HACD4: variants seen among roughly 807,000 people sequenced by gnomAD.
The protein encoded by HACD4 is 3-hydroxyacyl-CoA dehydratase 4.
HACD4 carries 35 observed loss-of-function variants against 33.3 expected under a neutral mutation model. The ratio of observed to expected loss-of-function variants is 1.05; its 90% confidence interval spans 0.80 to 1.39. The LOEUF is 1.39. Among genes scored for constraint, HACD4 ranks in the 40% most tolerant of loss-of-function variants. HACD4 has a pLI of 0.00. For missense variants in HACD4, 323 were observed against 276.5 expected (o/e 1.17, Z -1.19); for synonymous variants, 118 against 98.0 (o/e 1.20, Z -1.21).
intron 5 of HACD4, among the ~76,000 whole-genome samples, chr9:21,011,066 G>A (rs1238225631): frequency 6.6e-6 from 1 of 152,104 alleles, no homozygotes; most frequent in Non-Finnish European, 1.5e-5. Flanking sequence ...TAGTTTGGGG[G>A]CCCCTGCTAT....
chr9:21,031,624 A>C lies in HACD4; in HGVS notation c.-34T>G, dbSNP rs1406278207. 4 of 1,379,482 alleles carry C rather than the reference A, an allele frequency of 2.9e-6. No individual in the cohort carries two copies. Among genetic ancestry groups the C allele is most frequent in the Middle Eastern group, 2.0e-4 (1 of 4,976 alleles). 85.5% of individuals were successfully genotyped at this position (1,379,482 alleles called of 1,614,324 possible). A position where few individuals can be genotyped will look rare whatever the true frequency, so the allele number is the denominator to read the frequency against. ...GCCGCCAGGGCTTCCAGCGCGGTCC[A>C]GGAAGGAGTACCGGGGAGGAGGCAG... On this transcript the variant is annotated 5_prime_UTR_variant, in exon 1 of 7. Transcript: ENST00000495827.
chr9:21,016,084 C>T (rs970549031), intron 3 of HACD4, 74 bp from the exon 4 acceptor site: 15 of 941,618 alleles, frequency 1.6e-5, no homozygotes, highest in Admixed American at 6.0e-5. Flanking sequence ...ATTTTGAAAA[C>T]CAGATCTCCT....
At chr9:21,026,150 A>G (rs2132799920) in intron 3 of HACD4, among the ~76,000 whole-genome samples, 1 of 152,314 alleles carries the variant, frequency 6.6e-6, no homozygotes, top group East Asian at 1.9e-4. Flanking sequence ...TTTTTTAATC[A>G]TCTACTCTTT....
intron 2 of HACD4, among the ~76,000 whole-genome samples, chr9:21,027,923 T>G (rs1587841624): frequency 6.6e-6 from 1 of 151,848 alleles, no homozygotes; most frequent in East Asian, 1.9e-4. Context: ...TCACCTTTGG[T>G]CAGGAGTTCA....
Position 21,006,526 on chromosome 9 carries a change from A to G in HACD4, c.*511T>C, listed in dbSNP as rs1420644691. On this transcript the variant is annotated 3_prime_UTR_variant, in exon 7 of 7. Transcript: ENST00000495827. The surrounding 1 kb of genome is among the most constrained non-coding windows in gnomAD (Gnocchi z 4.6). Reference sequence around the variant, plus strand: ...TGGAAAGATATTTAATTTTCTAAACATATCTAATGTTTAGGGTGAGTATTA... The same window carrying G: ...TGGAAAGATATTTAATTTTCTAAACGTATCTAATGTTTAGGGTGAGTATTA... 1 of 166,190 alleles carries G rather than the reference A, an allele frequency of 6.0e-6. No homozygotes were observed. Among genetic ancestry groups the G allele is most frequent in the African/African-American group, 2.4e-5 (1 of 41,506 alleles). 10.3% of individuals were successfully genotyped at this position (166,190 alleles called of 1,614,324 possible).
At position 21,014,899 on chromosome 9, in the gene HACD4, G is replaced by A. The variant is rs369883898; in HGVS notation, c.383+999C>T. Reference sequence around the variant, plus strand: ...TGTTTTGTTCTCCAATGTATTTATTGAGCTTCTCTGACACTGAAAGAGTAA... The same window carrying A: ...TGTTTTGTTCTCCAATGTATTTATTAAGCTTCTCTGACACTGAAAGAGTAA... On this transcript the variant is annotated intron_variant, in intron 4 of 6. Coordinates refer to ENST00000495827, the MANE Select transcript of HACD4 (RefSeq NM_001010915.5). Among the ~76,000 whole-genome samples, 4 of 151,964 alleles carry A rather than the reference G, an allele frequency of 2.6e-5. No individual in the cohort carries two copies. In the South Asian group the frequency reaches 8.3e-4, roughly 32 times the overall value.
rs1587840707 is a variant in HACD4 at position 21,026,868 on chromosome 9, A to G, written c.143-145T>C. The G allele has an allele frequency of 1.4e-5, 9 of 625,820 alleles. No homozygotes were observed. The East Asian group carries it at 2.2e-4, about 15-fold the overall frequency. 38.8% of individuals were successfully genotyped at this position (625,820 alleles called of 1,614,324 possible). On this transcript the variant is annotated intron_variant, in intron 2 of 6. Coordinates refer to ENST00000495827, the MANE Select transcript of HACD4 (RefSeq NM_001010915.5). Reference sequence around the variant, plus strand: ...AAAAATTCCTTAAGTAGGCTACTAAATTATTAACAATACAATGCAAACAAA... The same window carrying G: ...AAAAATTCCTTAAGTAGGCTACTAAGTTATTAACAATACAATGCAAACAAA...
chr9:21,011,939 T>C (rs186820308), intron 4 of HACD4, among the ~76,000 whole-genome samples: 65 of 152,332 alleles, frequency 4.3e-4, no homozygotes, highest in African/African-American at 1.5e-3. Flanking sequence ...TCTTACTCCC[T>C]CCTCAGAAAA....
At chr9:21,017,800 G>A (rs145123379) in intron 3 of HACD4, 2 of 152,266 alleles carry the variant, frequency 1.3e-5, no homozygotes, top group South Asian at 2.1e-4. Context: ...AAGGAATTTG[G>A]GAACAGACCT....
At position 21,021,960 on chromosome 9, in the gene HACD4, C is replaced by T. The variant is rs191656519; in HGVS notation, c.270+4636G>A. 5.6e-4 allele frequency among the ~76,000 whole-genome samples: 85 copies of T among 152,212 alleles called. 2 individuals are homozygous for T. The highest frequency in any genetic ancestry group is 1.8e-3 in the African/African-American group (73 of 41,534). ...CAAAAGAACAAAGCTAGAGGCATCA[C>T]GCTACCTGACTTCAAACTATACTAC... On this transcript the variant is annotated intron_variant, in intron 3 of 6. Transcript: ENST00000495827.
rs1425005713 is a variant in HACD4 at position 21,002,835 on chromosome 9, G to A, written c.*4202C>T. 2 of 152,074 alleles carry A rather than the reference G, an allele frequency of 1.3e-5. No homozygotes were observed. The highest frequency in any genetic ancestry group is 1.9e-4 in the East Asian group (1 of 5,198). The allele number at this position is 152,074 out of a possible 1,614,324, so 9.4% of individuals were successfully genotyped here. A position where few individuals can be genotyped will look rare whatever the true frequency, so the allele number is the denominator to read the frequency against. On this transcript the variant is annotated 3_prime_UTR_variant, in exon 7 of 7. Transcript: ENST00000495827. ...GAGAAAGTAAGCCTTTGTCTACACTGTACAAAATGAAATAGGGATTTGGTG... is the reference window on the plus strand; with the variant it reads ...GAGAAAGTAAGCCTTTGTCTACACTATACAAAATGAAATAGGGATTTGGTG...
rs74958760 is a variant in HACD4, at chr9:21,030,094, C to T, written c.39-696G>A. On this transcript the variant is annotated intron_variant, in intron 1 of 6. Coordinates refer to ENST00000495827, the MANE Select transcript of HACD4 (RefSeq NM_001010915.5). Reference sequence around the variant, plus strand: ...CTTTGATAAAGTTCTAACCTTGCTGCTCACCAAGGAATAAAAGAAACCACT... The same window carrying T: ...CTTTGATAAAGTTCTAACCTTGCTGTTCACCAAGGAATAAAAGAAACCACT... 1.4e-3 allele frequency among the ~76,000 whole-genome samples: 220 copies of T among 152,118 alleles called. 4 individuals carry two copies. The East Asian group carries it at 0.022, about 15-fold the overall frequency.
At chr9:21,017,869 T>A (rs1020767365) in intron 3 of HACD4, 4 of 152,178 alleles carry the variant, frequency 2.6e-5, no homozygotes, top group Admixed American at 1.3e-4. Flanking sequence ...ATCCATGATG[T>A]CAGGTCATCC....
chr9:21,015,006 A>G lies in HACD4; in HGVS notation c.383+892T>C, dbSNP rs1842522682. On this transcript the variant is annotated intron_variant, in intron 4 of 6. Coordinates refer to ENST00000495827, the MANE Select transcript of HACD4 (RefSeq NM_001010915.5). Reference sequence around the variant, plus strand: ...TCATGAACAGAAGTTATGGGCTACAAAAGTCCATGAAGTTTGCCCCAAGTC... The same window carrying G: ...TCATGAACAGAAGTTATGGGCTACAGAAGTCCATGAAGTTTGCCCCAAGTC... 3 of 152,194 alleles carry G rather than the reference A, an allele frequency of 2.0e-5. No individual in the cohort carries two copies. In the South Asian group the frequency reaches 6.2e-4, roughly 32 times the overall value. 9.4% of individuals were successfully genotyped at this position (152,194 alleles called of 1,614,324 possible). A position where few individuals can be genotyped will look rare whatever the true frequency, so the allele number is the denominator to read the frequency against.
At chr9:21,016,211 A>G (rs1842551971) in intron 3 of HACD4, among the ~76,000 whole-genome samples, 1 of 152,218 alleles carries the variant, frequency 6.6e-6, no homozygotes, top group Admixed American at 6.5e-5. Flanking sequence ...TTTACAAATA[A>G]TATATAATGA....
At chr9:21,013,393 G>T (rs1029151166) in intron 4 of HACD4, among the ~76,000 whole-genome samples, 4 of 152,168 alleles carry the variant, frequency 2.6e-5, no homozygotes, top group Admixed American at 6.5e-5. Flanking sequence ...TCCTTACACA[G>T]TACCACACTT....
Position 21,003,198 on chromosome 9 carries a change from T to A in HACD4, c.*3839A>T, listed in dbSNP as rs1361784730. On this transcript the variant is annotated 3_prime_UTR_variant, in exon 7 of 7. Transcript: ENST00000495827. Reference sequence around the variant, plus strand: ...TGTTTTAAAATAATTATAAATTCACTTGTGTTTCTTTTGGTTTTCAATTTT... The same window carrying A: ...TGTTTTAAAATAATTATAAATTCACATGTGTTTCTTTTGGTTTTCAATTTT... 1 of 152,150 alleles carries A rather than the reference T, an allele frequency of 6.6e-6. No individual in the cohort carries two copies. Among genetic ancestry groups the A allele is most frequent in the Non-Finnish European group, 1.5e-5 (1 of 68,004 alleles). The allele number at this position is 152,150 out of a possible 1,614,324, so 9.4% of individuals were successfully genotyped here. A position where few individuals can be genotyped will look rare whatever the true frequency, so the allele number is the denominator to read the frequency against.
chr9:21,029,266 A>G, intron 2 of HACD4, 29 bp downstream of exon 2: 1 of 1,304,656 alleles, frequency 7.7e-7, no homozygotes, highest in Non-Finnish European at 1.1e-6. Flanking sequence ...TTAAAAGTTA[A>G]AAATAAAAAA....
At chr9:21,012,736 T>C (rs1158747608) in intron 4 of HACD4, among the ~76,000 whole-genome samples, 1 of 152,176 alleles carries the variant, frequency 6.6e-6, no homozygotes, top group Non-Finnish European at 1.5e-5. Context: ...TCCCCTCATA[T>C]TAGAAGAGTG....
Sources: allele counts gnomAD v4.1 joint callset (sites outside exome capture counted in the v4.1 genomes callset), GRCh38; gene constraint gnomAD v4.1.1; non-coding constraint Gnocchi (gnomAD v3.1); transcripts MANE v1.5; gene names NCBI Gene and HGNC (gene_info 2026-07-23, HGNC 2026-07-21).